Variants in RANBP2 observed in about 807,000 individuals in gnomAD.
RANBP2 encodes the protein RAN binding protein 2.
RANBP2 carries 57 observed loss-of-function variants against 303.6 expected under a neutral mutation model. The observed-to-expected ratio is 0.19, with a 90% CI of 0.15 to 0.23. The LOEUF is 0.23. RANBP2 is among the 10% of genes least tolerant of loss of function. The pLI is 1.00. For missense variants in RANBP2, 3,138 were observed against 3,780.8 expected (o/e 0.83, Z 4.46); for synonymous variants, 1,167 against 1,301.5 (o/e 0.90, Z 2.23).
chr2:109,093,406 T>TAAAAAAAAAAAAAAAAA, the RANBP2 span, among the ~76,000 whole-genome samples: 10 of 90,690 alleles, frequency 1.1e-4, no homozygotes, highest in South Asian at 3.5e-4. Flanking sequence ...CGGAGATTTG[T>TAAAAAAAAAAAAAAAAA]AAAAAAAAAA....
chr2:109,522,096 C>A, the RANBP2 span, among the ~76,000 whole-genome samples: 1 of 152,002 alleles, frequency 6.6e-6, no homozygotes, highest in Non-Finnish European at 1.5e-5. Flanking sequence ...TTTAAAAAAA[C>A]CTGCTGAATG....
chr2:108,748,927 G>A lies in RANBP2; in HGVS notation c.1071G>A (p.Met357Ile). The change falls in exon 9 of 29, where the codon ATG becomes ATA. Residue 357 changes from methionine to isoleucine, a missense_variant. Physicochemically the swap from Met to Ile is conservative, Grantham distance 10. Around this residue, in one of 20 missense-constraint regions of RANBP2, gnomAD observed 95 missense variants for 86.4 expected, o/e 1.10. Coordinates refer to ENST00000283195, the MANE Select transcript of RANBP2 (RefSeq NM_006267.5). ...ACDRLSQSGH[M>I]LLNLSRGKQD... ...CTTAAATTTTTTTTTCAGGGCACAT[G>A]TTGCTAAACTTAAGTCGTGGCAAGC... The A allele has an allele frequency of 6.2e-7, 1 of 1,611,896 alleles. No homozygotes were observed. The highest frequency in any genetic ancestry group is 1.3e-5 in the African/African-American group (1 of 74,950).
the RANBP2 span, among the ~76,000 whole-genome samples, chr2:108,828,273 C>A: frequency 6.6e-6 from 1 of 151,918 alleles, no homozygotes; most frequent in African/African-American, 2.4e-5. Flanking sequence ...AATGTTTACA[C>A]AAATGGTAAA....
At chr2:109,169,771 CAT>C in the RANBP2 span, among the ~76,000 whole-genome samples, 9 of 147,884 alleles carry the variant, frequency 6.1e-5, no homozygotes, top group Non-Finnish European at 1.0e-4. Context: ...CACACACACA[CAT>C]GACCCCCCAA....
At chr2:109,121,360 T>C in the RANBP2 span, among the ~76,000 whole-genome samples, 1 of 152,172 alleles carries the variant, frequency 6.6e-6, no homozygotes, top group South Asian at 2.1e-4. Flanking sequence ...AGTCTTAATT[T>C]TAACTCCTTT....
At chr2:108,763,130 C>A in intron 19 of RANBP2, 107 bp from the exon 20 acceptor site, 1 of 1,270,588 alleles carries the variant, frequency 7.9e-7, no homozygotes, top group Non-Finnish European at 1.1e-6. Context: ...CTAATGAGAT[C>A]TTCTTCACTT....
chr2:109,501,499 C>G, the RANBP2 span: 1 of 776,326 alleles, frequency 1.3e-6, no homozygotes, highest in Non-Finnish European at 2.4e-6. Flanking sequence ...TGCTGTTTCC[C>G]CAGGTACCGC....
At chr2:109,199,617 T>TCAACA in the RANBP2 span, among the ~76,000 whole-genome samples, 2 of 258 alleles carry the variant, frequency 7.8e-3, 1 homozygote, top group African/African-American at 0.024. Flanking sequence ...TGGAATGGAA[T>TCAACA]GGAATGGAAT....
the RANBP2 span, among the ~76,000 whole-genome samples, chr2:108,796,035 A>G: frequency 2.6e-5 from 4 of 152,116 alleles, no homozygotes; most frequent in South Asian, 4.1e-4. Context: ...TAATCAGTCT[A>G]TAGTTTATTT....
the RANBP2 span, among the ~76,000 whole-genome samples, chr2:109,547,883 TTC>T: frequency 2.6e-5 from 4 of 152,204 alleles, no homozygotes; most frequent in Admixed American, 6.5e-5. Flanking sequence ...CCCTGGGTAG[TTC>T]TTTCTGTGTC....
At chr2:109,461,983 C>A in the RANBP2 span, among the ~76,000 whole-genome samples, 9 of 152,088 alleles carry the variant, frequency 5.9e-5, no homozygotes, top group Non-Finnish European at 2.9e-5. Flanking sequence ...CACTTTTTCT[C>A]CACCTTACGA....
the RANBP2 span, among the ~76,000 whole-genome samples, chr2:109,395,429 G>T: frequency 6.6e-6 from 1 of 152,202 alleles, no homozygotes; most frequent in Non-Finnish European, 1.5e-5. Flanking sequence ...GCAGCGGTTC[G>T]CCTGCCTGGC....
At chr2:109,113,126 T>A in the RANBP2 span, among the ~76,000 whole-genome samples, 2 of 152,192 alleles carry the variant, frequency 1.3e-5, no homozygotes, top group Non-Finnish European at 1.5e-5. Flanking sequence ...GGCCCTTTTT[T>A]GGTTCCATGT....
At chr2:109,024,778 T>C in the RANBP2 span, among the ~76,000 whole-genome samples, 1 of 152,188 alleles carries the variant, frequency 6.6e-6, no homozygotes, top group African/African-American at 2.4e-5. Flanking sequence ...GGGAAGAAAA[T>C]ATTAGAACTT....
the RANBP2 span, among the ~76,000 whole-genome samples, chr2:109,638,667 G>A: frequency 2.0e-5 from 3 of 152,156 alleles, no homozygotes; most frequent in African/African-American, 7.2e-5. Flanking sequence ...GGTTTGCACA[G>A]TAGTACAAAA....
At chr2:109,554,075 A>T in the RANBP2 span, among the ~76,000 whole-genome samples, 2 of 152,218 alleles carry the variant, frequency 1.3e-5, no homozygotes, top group African/African-American at 2.4e-5. Flanking sequence ...AACCCTTCTA[A>T]TATTAAACAC....
chr2:109,409,704 G>T, the RANBP2 span, among the ~76,000 whole-genome samples: 3 of 152,080 alleles, frequency 2.0e-5, no homozygotes, highest in Non-Finnish European at 1.5e-5. Context: ...CCCCGAGAGG[G>T]AGATCGAGAG....
At chr2:108,804,351 A>C in the RANBP2 span, among the ~76,000 whole-genome samples, 12 of 152,318 alleles carry the variant, frequency 7.9e-5, no homozygotes, top group African/African-American at 2.6e-4. Flanking sequence ...AGAGTCAAAT[A>C]GTTTGGGGCT....
chr2:109,378,803 C>T, the RANBP2 span, among the ~76,000 whole-genome samples: 1 of 152,180 alleles, frequency 6.6e-6, no homozygotes, highest in Admixed American at 6.5e-5. Context: ...CTATTCCTGG[C>T]TTTATGTGAC....
Sources: gnomAD v4.1 joint callset for allele counts (sites outside exome capture counted in the v4.1 genomes callset) on GRCh38, gnomAD v4.1.1 for gene constraint, gnomAD v4.1.1 regional missense constraint, MANE v1.5 for transcripts, NCBI Gene and HGNC (gene_info 2026-07-23, HGNC 2026-07-21) for gene names.